SLC24A4: variants seen among roughly 807,000 people sequenced by gnomAD.
SLC24A4 encodes the protein solute carrier family 24 member 4, also known as sodium/potassium/calcium exchanger 4.
In SLC24A4, 53 loss-of-function variants were observed where a neutral mutation model predicts 79.0. The ratio of observed to expected loss-of-function variants is 0.67; its 90% confidence interval spans 0.54 to 0.84. The LOEUF is 0.84. Among genes scored for constraint, SLC24A4 ranks in the 40% least tolerant of loss-of-function variants. SLC24A4 has a pLI of 0.00. For synonymous variants in SLC24A4, 323 were observed against 323.8 expected (o/e 1.00, Z 0.03); for missense variants, 731 against 822.0 (o/e 0.89, Z 1.35).
intron 12 of SLC24A4, among the ~76,000 whole-genome samples, chr14:92,473,197 A>C (rs562634344): frequency 5.9e-5 from 9 of 152,380 alleles, no homozygotes; most frequent in Non-Finnish European, 7.3e-5. Context: ...TTTGGCAAAC[A>C]GTATGCATTT....
intron 2 of SLC24A4, among the ~76,000 whole-genome samples, chr14:92,340,280 C>T (rs1886052612): frequency 6.6e-6 from 1 of 152,202 alleles, no homozygotes; most frequent in South Asian, 2.1e-4. Context: ...AGTGAGCCCA[C>T]AGGTTAGAGA....
At chr14:92,411,936 A>AAC (rs948190738) in intron 2 of SLC24A4, among the ~76,000 whole-genome samples, 17 of 151,902 alleles carry the variant, frequency 1.1e-4, no homozygotes, top group African/African-American at 4.1e-4. Flanking sequence ...CAAGTGACCA[A>AAC]AAAACAAAAC....
At position 92,395,432 on chromosome 14, in the gene SLC24A4, A is replaced by AACACACACACACACACACAC. The variant is rs60360408; in HGVS notation, c.242-38465_242-38446dup. On this transcript the variant is annotated intron_variant, in intron 2 of 16. Coordinates refer to ENST00000532405, the MANE Select transcript of SLC24A4 (RefSeq NM_153646.4). ...GATGATTCAAAACAAAACAAAACAAAACACACACACACACACACACACACA... is the reference window on the plus strand; with the variant it reads ...GATGATTCAAAACAAAACAAAACAAAACACACACACACACACACACACACACACACACACACACACACACA... 2.1e-3 allele frequency among the ~76,000 whole-genome samples: 302 copies of AACACACACACACACACACAC among 144,910 alleles called. 3 individuals are homozygous for AACACACACACACACACACAC. Among genetic ancestry groups the AACACACACACACACACACAC allele is most frequent in the African/African-American group, 6.9e-3 (273 of 39,434 alleles).
chr14:92,345,903 G>A (rs978243968), intron 2 of SLC24A4, among the ~76,000 whole-genome samples: 2 of 152,190 alleles, frequency 1.3e-5, no homozygotes, highest in African/African-American at 2.4e-5. Flanking sequence ...TTGTAAATGA[G>A]CACATGTATA....
chr14:92,453,744 G>A (rs1423155197), intron 10 of SLC24A4, 156 bp from the exon 11 acceptor site: 20 of 668,728 alleles, frequency 3.0e-5, no homozygotes, highest in South Asian at 2.9e-4. Flanking sequence ...TGCCTGACAT[G>A]AGGAGTTGAA....
At chr14:92,452,005 C>T (rs1466836279) in intron 10 of SLC24A4, 3 of 152,300 alleles carry the variant, frequency 2.0e-5, no homozygotes, top group Non-Finnish European at 4.4e-5. Flanking sequence ...GGTCAGGGGA[C>T]ACCAGGACAA....
intron 2 of SLC24A4, among the ~76,000 whole-genome samples, chr14:92,427,396 G>T (rs1891621730): frequency 6.6e-6 from 1 of 152,278 alleles, no homozygotes; most frequent in Non-Finnish European, 1.5e-5. Flanking sequence ...GGCTGGAAGG[G>T]TTGGCAGGGC....
chr14:92,428,687 T>G (rs1023064763), intron 2 of SLC24A4, among the ~76,000 whole-genome samples: 1 of 151,958 alleles, frequency 6.6e-6, no homozygotes, highest in Non-Finnish European at 1.5e-5. Flanking sequence ...GATGTGGAGA[T>G]TAAAAAGTCA....
intron 2 of SLC24A4, among the ~76,000 whole-genome samples, chr14:92,397,621 TG>T (rs1019201105): frequency 6.6e-6 from 1 of 151,694 alleles, no homozygotes; most frequent in African/African-American, 2.4e-5. Flanking sequence ...GAGGTCAGAG[TG>T]GACAGAGATG....
chr14:92,461,968 GTACTGCCTCTTCATTCC>G (rs1893837524), intron 12 of SLC24A4, among the ~76,000 whole-genome samples: 1 of 152,246 alleles, frequency 6.6e-6, no homozygotes, highest in Admixed American at 6.5e-5. Context: ...TATCCTCTGA[GTACTGCCTCTTCATTCC>G]AGGCACTTTC....
Position 92,500,217 on chromosome 14 carries a change from G to GTC in SLC24A4, c.*6590_*6591dup, listed in dbSNP as rs1404934696. The GTC allele has an allele frequency of 2.0e-5, 3 of 152,212 alleles. No individual in the cohort carries two copies. Among genetic ancestry groups the GTC allele is most frequent in the Non-Finnish European group, 1.5e-5 (1 of 68,042 alleles). The allele number at this position is 152,212 out of a possible 1,614,324, so 9.4% of individuals were successfully genotyped here. A position where few individuals can be genotyped will look rare whatever the true frequency, so the allele number is the denominator to read the frequency against. Reference sequence around the variant, plus strand: ...AATAAAATTCTTAATCCTGCAGAGAGTCAGTACCCTCATCACCCCATCACT... The same window carrying GTC: ...AATAAAATTCTTAATCCTGCAGAGAGTCTCAGTACCCTCATCACCCCATCACT... On this transcript the variant is annotated 3_prime_UTR_variant, in exon 17 of 17. Transcript: ENST00000532405.
chr14:92,472,709 C>G (rs1278801850), intron 12 of SLC24A4, among the ~76,000 whole-genome samples: 2 of 152,158 alleles, frequency 1.3e-5, no homozygotes, highest in Non-Finnish European at 2.9e-5. Context: ...TGGGCTGGTT[C>G]CACATTTTTG....
At chr14:92,358,538 C>T (rs1388184759) in intron 2 of SLC24A4, among the ~76,000 whole-genome samples, 1 of 150,198 alleles carries the variant, frequency 6.7e-6, no homozygotes, top group Non-Finnish European at 1.5e-5. Flanking sequence ...GCTGGCCTCC[C>T]AGACACCTCC....
chr14:92,368,298 A>G (rs554198336), intron 2 of SLC24A4, among the ~76,000 whole-genome samples: 5 of 152,342 alleles, frequency 3.3e-5, no homozygotes, highest in African/African-American at 1.2e-4. Context: ...TTCCCAGGAA[A>G]GCTTCATGAC....
intron 16 of SLC24A4, among the ~76,000 whole-genome samples, chr14:92,492,444 A>T (rs979162971): frequency 6.6e-6 from 1 of 152,170 alleles, no homozygotes; most frequent in Non-Finnish European, 1.5e-5. Context: ...TTTGCTGAGT[A>T]CATAAGAAGT....
At chr14:92,469,053 A>G (rs957673250) in intron 12 of SLC24A4, among the ~76,000 whole-genome samples, 10 of 152,310 alleles carry the variant, frequency 6.6e-5, no homozygotes, top group South Asian at 4.1e-4. Flanking sequence ...AGATGCTCAC[A>G]TCATTAGTCA....
chr14:92,397,025 A>G (rs1188258068), intron 2 of SLC24A4, among the ~76,000 whole-genome samples: 4 of 152,252 alleles, frequency 2.6e-5, no homozygotes, highest in African/African-American at 7.2e-5. Context: ...TAACTTTGTA[A>G]GATAGAAAGT....
intron 2 of SLC24A4, among the ~76,000 whole-genome samples, chr14:92,393,526 C>T (rs1889601045): frequency 6.6e-6 from 1 of 150,484 alleles, no homozygotes; most frequent in Non-Finnish European, 1.5e-5. Context: ...GTTTCCAGTT[C>T]CATCCAAGAA....
chr14:92,492,984 A>G (rs1236771229), intron 16 of SLC24A4: 1 of 363,342 alleles, frequency 2.8e-6, no homozygotes, highest in Non-Finnish European at 5.5e-6. Context: ...ACACACACAC[A>G]CACACACACA....
Sources: gnomAD v4.1 joint callset for allele counts (sites outside exome capture counted in the v4.1 genomes callset) on GRCh38, gnomAD v4.1.1 for gene constraint, MANE v1.5 for transcripts, NCBI Gene and HGNC (gene_info 2026-07-23, HGNC 2026-07-21) for gene names.